The following VPS13B variants were observed in gnomAD, a reference collection of about 807,000 sequenced individuals.
VPS13B encodes the protein intermembrane lipid transfer protein VPS13B.
In VPS13B, 285 loss-of-function variants were observed where a neutral mutation model predicts 426.4. The ratio of observed to expected loss-of-function variants is 0.67; its 90% confidence interval spans 0.61 to 0.74. The LOEUF (loss-of-function observed/expected upper bound fraction) is 0.74, where lower values mean the gene tolerates loss of function less well. Ranked by LOEUF, VPS13B falls within the 30% of genes least tolerant of loss-of-function variation. The probability of loss-of-function intolerance (pLI) is 0.00; values close to 1 mark genes in which losing one functional copy is unlikely to be tolerated. For synonymous variants in VPS13B, 1,676 were observed against 1,676.4 expected, an observed-to-expected ratio of 1.00 and a Z score of 0.01; for missense variants, 4,537 against 4,782.6, an observed-to-expected ratio of 0.95 and a Z score of 1.51.
At chr8:99,057,471 GT>G (rs1245396021) in intron 3 of VPS13B, among the ~76,000 whole-genome samples, 2 of 151,986 alleles carry the variant, frequency 1.3e-5, no homozygotes, top group Non-Finnish European at 2.9e-5. Context: ...GGCTCCTGTT[GT>G]TACTTTTCTG....
chr8:99,584,255 C>T (rs555420908), intron 33 of VPS13B, among the ~76,000 whole-genome samples: 127 of 152,262 alleles, frequency 8.3e-4, no homozygotes, highest in Non-Finnish European at 1.2e-3. Context: ...GCCTTGTCAA[C>T]GTTAAAATTA....
intron 17 of VPS13B, among the ~76,000 whole-genome samples, chr8:99,242,352 T>G (rs537662840): frequency 1.2e-4 from 18 of 152,246 alleles, no homozygotes; most frequent in Non-Finnish European, 2.4e-4. Context: ...TATTGACTTT[T>G]ACTGTATTTG....
chr8:99,308,672 T>A (rs1192200650), intron 19 of VPS13B, among the ~76,000 whole-genome samples: 1 of 152,208 alleles, frequency 6.6e-6, no homozygotes, highest in African/African-American at 2.4e-5. Context: ...CAGCATGATT[T>A]ATAATCCTTT....
At chr8:99,066,568 A>T (rs925327189) in intron 3 of VPS13B, among the ~76,000 whole-genome samples, 2 of 152,244 alleles carry the variant, frequency 1.3e-5, no homozygotes, top group South Asian at 2.1e-4. Flanking sequence ...AACCTAGGCA[A>T]TACCATTCAG....
chr8:99,634,895 C>A (rs1339153951), intron 33 of VPS13B, among the ~76,000 whole-genome samples: 1 of 151,636 alleles, frequency 6.6e-6, no homozygotes, highest in African/African-American at 2.4e-5. Flanking sequence ...GTTTATGAAC[C>A]ATAATATGGA....
At chr8:99,064,367 T>TTA (rs1465059519) in intron 3 of VPS13B, among the ~76,000 whole-genome samples, 1 of 152,190 alleles carries the variant, frequency 6.6e-6, no homozygotes, top group Admixed American at 6.5e-5. Context: ...TGAAAAAAGA[T>TTA]TAGACGAATG....
chr8:99,067,148 T>A (rs924775729), intron 3 of VPS13B, among the ~76,000 whole-genome samples: 3 of 152,198 alleles, frequency 2.0e-5, no homozygotes, highest in African/African-American at 7.2e-5. Flanking sequence ...ACTAGGTATA[T>A]ACCCAAAAGA....
chr8:99,251,741 G>A (rs1817522201), intron 17 of VPS13B, among the ~76,000 whole-genome samples: 1 of 152,034 alleles, frequency 6.6e-6, no homozygotes, highest in South Asian at 2.1e-4. Context: ...ATATTGTGTA[G>A]AAGAGATGTT....
At chr8:99,470,880 A>G (rs550684798) in intron 24 of VPS13B, among the ~76,000 whole-genome samples, 1 of 152,186 alleles carries the variant, frequency 6.6e-6, no homozygotes, top group East Asian at 1.9e-4. Context: ...CGAAAAATAA[A>G]TTTTTTAAAA....
At chr8:99,864,405 A>G (rs1816990775) in intron 58 of VPS13B, among the ~76,000 whole-genome samples, 1 of 152,094 alleles carries the variant, frequency 6.6e-6, no homozygotes, top group African/African-American at 2.4e-5. Context: ...ATGAAATACA[A>G]AAATTAGCCA....
rs572379512 is a variant in VPS13B, at chr8:99,778,442, A to T, written c.7430-240A>T. 4.8e-3 allele frequency among the ~76,000 whole-genome samples: 735 copies of T among 152,196 alleles called. 7 individuals carry two copies. The highest frequency in any genetic ancestry group is 0.017 in the African/African-American group (692 of 41,532). On this transcript the variant is annotated intron_variant, in intron 41 of 61. Transcript: ENST00000357162. ...TGGCTTCTGTGATCAATTTTTTGTG[A>T]AAGTTACTTTTGGACAATATATATT...
intron 19 of VPS13B, among the ~76,000 whole-genome samples, chr8:99,296,921 T>G (rs1431346859): frequency 6.6e-6 from 1 of 152,174 alleles, no homozygotes; most frequent in East Asian, 1.9e-4. Flanking sequence ...ATTTATAGAT[T>G]ACACAGTCTT....
chr8:99,268,071 C>T (rs1316025073), intron 17 of VPS13B, among the ~76,000 whole-genome samples: 4 of 152,154 alleles, frequency 2.6e-5, no homozygotes, highest in Non-Finnish European at 1.5e-5. Context: ...GGAGGTTCCA[C>T]GTGGTATTGG....
At chr8:99,843,267 C>A (rs1002178839) in intron 54 of VPS13B, among the ~76,000 whole-genome samples, 4 of 152,106 alleles carry the variant, frequency 2.6e-5, no homozygotes, top group African/African-American at 9.7e-5. Context: ...TCCATGCCAC[C>A]CCACCTCACC....
chr8:99,821,431 A>C lies in VPS13B; in HGVS notation c.9132A>C (p.Glu3044Asp). The C allele has an allele frequency of 6.2e-7, 1 of 1,613,874 alleles. No individual in the cohort carries two copies. The change falls in exon 50 of 62, where the codon GAA (glutamate) becomes GAC (aspartate). Residue 3044 changes from glutamate (E) to aspartate (D), a missense_variant. By Grantham distance (45) the Glu-to-Asp change is conservative. Around this residue, in one of 2 missense-constraint regions of VPS13B, gnomAD observed 4,311 missense variants for 4,474.3 expected, o/e 0.96. Coordinates refer to ENST00000357162, the MANE Select transcript of VPS13B (RefSeq NM_152564.5). ...GNGEVVTLDE[E>D]AFVDTEIRLG... ...GTGAAGTTGTGACACTGGATGAAGA[A>C]GCGTTTGTTGATACTGAAATAAGAC...
chr8:99,863,055 TGG>T (rs1320735172), intron 58 of VPS13B, among the ~76,000 whole-genome samples: 1 of 152,098 alleles, frequency 6.6e-6, no homozygotes, highest in East Asian at 1.9e-4. Flanking sequence ...CCCCAGACCT[TGG>T]GCTAGGGTGT....
chr8:99,678,238 T>C (rs980035671), intron 35 of VPS13B, among the ~76,000 whole-genome samples: 2 of 152,230 alleles, frequency 1.3e-5, no homozygotes, highest in Non-Finnish European at 2.9e-5. Flanking sequence ...ACTACCATCT[T>C]CAGGCCATTC....
intron 33 of VPS13B, among the ~76,000 whole-genome samples, chr8:99,591,756 C>T (rs1327911157): frequency 1.4e-5 from 2 of 139,486 alleles, no homozygotes; most frequent in African/African-American, 5.3e-5. Context: ...TGTGGGTAAC[C>T]CGACCTTTCT....
intron 3 of VPS13B, among the ~76,000 whole-genome samples, chr8:99,086,825 C>G (rs1273478605): frequency 6.6e-6 from 1 of 152,146 alleles, no homozygotes; most frequent in Admixed American, 6.5e-5. Context: ...GAAGCTTTGT[C>G]TCAGAGGAGT....
Sources: gnomAD v4.1 joint callset for allele counts (sites outside exome capture counted in the v4.1 genomes callset) on GRCh38, gnomAD v4.1.1 for gene constraint, gnomAD v4.1.1 regional missense constraint, MANE v1.5 for transcripts, NCBI Gene and HGNC (gene_info 2026-07-23, HGNC 2026-07-21) for gene names.